Variants in TMEM213 observed in about 807,000 individuals in gnomAD.
The protein encoded by TMEM213 is transmembrane protein 213.
Under a neutral mutation model 11.6 loss-of-function variants are expected in TMEM213, and 7 were observed. That is an observed-to-expected ratio of 0.60 (90% CI 0.34 to 1.13). TMEM213 has a LOEUF of 1.13. Among genes scored for constraint, TMEM213 ranks in the 50% most tolerant of loss-of-function variants. The probability of loss-of-function intolerance (pLI) is 0.03; values close to 1 mark genes in which losing one functional copy is unlikely to be tolerated. For missense variants in TMEM213, 129 were observed against 139.0 expected (o/e 0.93, Z 0.36); for synonymous variants, 60 against 58.3 (o/e 1.03, Z -0.13).
chr7:138,800,311 C>CAGT (rs1245748928), intron 1 of TMEM213, among the ~76,000 whole-genome samples: 1 of 152,106 alleles, frequency 6.6e-6, no homozygotes, highest in African/African-American at 2.4e-5. Flanking sequence ...CCGTATTGAA[C>CAGT]AGTATGGACT....
At position 138,802,902 on chromosome 7, in the gene TMEM213, G is replaced by A. The variant is rs761693742; in HGVS notation, c.157G>A (p.Val53Met). 7.7e-6 allele frequency: 12 copies of A among 1,567,252 alleles called. 1 individual carries two copies. The highest frequency in any genetic ancestry group is 6.0e-5 in the South Asian group (5 of 83,000). The change falls in exon 3 of 3, where the codon GTG becomes ATG. Residue 53 changes from valine to methionine, a missense_variant and splice_region_variant. Transcript: ENST00000442682. Reference protein sequence around the residue: ...DPGTLEQCLNVDFCPQAARCC... With the variant: ...DPGTLEQCLNMDFCPQAARCC... ...CCTTGCTGTCCCTTCCCCACCAGAC[G>A]TGGACTTCTGCCCACAAGCAGCCCG...
At chr7:138,800,807 C>T (rs536360976) in intron 1 of TMEM213, among the ~76,000 whole-genome samples, 1 of 151,328 alleles carries the variant, frequency 6.6e-6, no homozygotes, top group African/African-American at 2.4e-5. Context: ...TCAAGCAATT[C>T]TGCTGCCCCA....
rs927568541 is a variant in TMEM213 at position 138,802,974 on chromosome 7, G to A, written c.229G>A (p.Val77Ile). The change falls in exon 3 of 3, where the codon GTT becomes ATT. Residue 77 changes from valine (V) to isoleucine (I), a missense_variant. Physicochemically the swap from Val to Ile is conservative, Grantham distance 29. Transcript: ENST00000442682. ...VDEYGWIAAA[V>I]GWSLWFLTLI... is the part of the protein sequence containing the mutation. ...CGAGTACGGCTGGATCGCGGCAGCT[G>A]TTGGCTGGAGCCTCTGGTTCCTCAC... The A allele has an allele frequency of 5.6e-6, 9 of 1,613,196 alleles. No homozygotes were observed. Among genetic ancestry groups the A allele is most frequent in the East Asian group, 4.5e-5 (2 of 44,878 alleles).
chr7:138,802,810 G>C, intron 2 of TMEM213, 90 bp from the exon 3 acceptor site: 1 of 1,354,206 alleles, frequency 7.4e-7, no homozygotes, highest in Non-Finnish European at 9.9e-7. Flanking sequence ...CAGCTACCGT[G>C]CTGTGATTGT....
chr7:138,802,821 T>G, intron 2 of TMEM213, 79 bp from the exon 3 acceptor site: 1 of 1,416,554 alleles, frequency 7.1e-7, no homozygotes. Flanking sequence ...CTGTGATTGT[T>G]CTGTTAATAT....
At chr7:138,801,238 C>T in intron 1 of TMEM213, 89 bp from the exon 2 acceptor site, 1 of 1,178,724 alleles carries the variant, frequency 8.5e-7, no homozygotes, top group Non-Finnish European at 1.2e-6. Context: ...TCATAATACT[C>T]ACTACTGATT....
intron 2 of TMEM213, 157 bp downstream of exon 2, chr7:138,801,555 G>T: frequency 1.5e-6 from 1 of 682,698 alleles, no homozygotes; most frequent in South Asian, 1.9e-5. Flanking sequence ...ACTATTTGCA[G>T]AGCAGGTCTG....
At position 138,802,925 on chromosome 7, in the gene TMEM213, C is replaced by A; in HGVS notation, c.180C>A (p.Ala60=). 6.3e-7 allele frequency: 1 copy of A among 1,594,752 alleles called. No individual in the cohort carries two copies. ...CLNVDFCPQA[A]RCCRTGVDEY... Reference sequence around the variant, plus strand: ...ACGTGGACTTCTGCCCACAAGCAGCCCGGTGCTGCCGCACAGGAGTGGACG... The same window carrying A: ...ACGTGGACTTCTGCCCACAAGCAGCACGGTGCTGCCGCACAGGAGTGGACG... Residue 60 remains alanine, a synonymous_variant, in exon 3 of 3, where the codon GCC becomes GCA. Transcript: ENST00000442682.
At chr7:138,800,393 C>G (rs916670805) in intron 1 of TMEM213, among the ~76,000 whole-genome samples, 2 of 152,182 alleles carry the variant, frequency 1.3e-5, no homozygotes, top group Non-Finnish European at 2.9e-5. Flanking sequence ...AACCCAATCC[C>G]ACACCTCAAG....
rs1159024756 is a variant in TMEM213 at position 138,803,109 on chromosome 7, T to C, written c.*40T>C. 1.3e-6 allele frequency: 2 copies of C among 1,598,630 alleles called. No individual in the cohort carries two copies. Among genetic ancestry groups the C allele is most frequent in the Middle Eastern group, 1.7e-4 (1 of 6,038 alleles). On this transcript the variant is annotated 3_prime_UTR_variant, in exon 3 of 3. Transcript: ENST00000442682. ...GCACAAAATGGTGATCGCCACCAAT[T>C]TGTGGCTAATGGGGAAGGGGAGTAA... is the stretch of plus-strand genomic sequence containing the variant.
chr7:138,803,048 G>C lies in TMEM213; in HGVS notation c.303G>C (p.Glu101Asp). The change falls in exon 3 of 3, where the codon GAG (glutamate) becomes GAC (aspartate). Residue 101 changes from glutamate (E) to aspartate (D), a missense_variant. Glu to Asp is a conservative substitution (Grantham distance 45). Transcript: ENST00000442682. ...AACTGATGAAGCTGACTCCAGATGA[G>C]CCCAAGGACTTGCAAGCGTGAGACC... ...VDKLMKLTPD[E>D]PKDLQA 6.2e-7 allele frequency: 1 copy of C among 1,613,562 alleles called. No homozygotes were observed. Among genetic ancestry groups the C allele is most frequent in the Non-Finnish European group, 8.5e-7 (1 of 1,179,830 alleles).
rs201509707 is a variant in TMEM213 at position 138,805,242 on chromosome 7, AAG to A, written c.*2175_*2176del. On this transcript the variant is annotated 3_prime_UTR_variant, in exon 3 of 3. Transcript: ENST00000442682. Reference sequence around the variant, plus strand: ...ACCCTGTCTCTACAAAAAAAAAAAAAAGATTAGCCAGGCGTGGTGGTGCACAC... The same window carrying A: ...ACCCTGTCTCTACAAAAAAAAAAAAAATTAGCCAGGCGTGGTGGTGCACAC... 1.1e-3 allele frequency: 154 copies of A among 133,952 alleles called. 1 individual carries two copies. The highest frequency in any genetic ancestry group is 1.7e-3 in the African/African-American group (66 of 38,006). The allele number at this position is 133,952 out of a possible 1,614,324, so 8.3% of individuals were successfully genotyped here.
rs558278429 is a variant in TMEM213, at chr7:138,799,096, G to A, written c.82+910G>A. On this transcript the variant is annotated intron_variant, in intron 1 of 2. Transcript: ENST00000442682. Reference sequence around the variant, plus strand: ...CATGACTCACTAGCTATGCGACCTCGAGCAAATGACTTTACCTCTCTATGC... The same window carrying A: ...CATGACTCACTAGCTATGCGACCTCAAGCAAATGACTTTACCTCTCTATGC... Among the ~76,000 whole-genome samples the A allele has an allele frequency of 3.7e-3, 569 of 152,182 alleles. 6 individuals are homozygous for A. The highest frequency in any genetic ancestry group is 0.013 in the African/African-American group (549 of 41,540).
Position 138,804,022 on chromosome 7 carries a change from C to G in TMEM213, c.*953C>G, listed in dbSNP as rs922084196. Reference sequence around the variant, plus strand: ...CCACCTCAGGTCCTTCTCCAGCTCTCCTTCTGGCTTCATCCTGTCTTCCAC... The same window carrying G: ...CCACCTCAGGTCCTTCTCCAGCTCTGCTTCTGGCTTCATCCTGTCTTCCAC... On this transcript the variant is annotated 3_prime_UTR_variant, in exon 3 of 3. Coordinates refer to ENST00000442682, the MANE Select transcript of TMEM213 (RefSeq NM_001085429.2). The G allele has an allele frequency of 6.6e-6, 1 of 152,538 alleles. No homozygotes were observed. Among genetic ancestry groups the G allele is most frequent in the Non-Finnish European group, 1.5e-5 (1 of 68,322 alleles). 9.4% of individuals were successfully genotyped at this position (152,538 alleles called of 1,614,324 possible). A position where few individuals can be genotyped will look rare whatever the true frequency, so the allele number is the denominator to read the frequency against.
Position 138,805,238 on chromosome 7 carries a change from AAAAAAG to A in TMEM213, c.*2171_*2176del, listed in dbSNP as rs1406078426. 348 of 132,204 alleles carry A rather than the reference AAAAAAG, an allele frequency of 2.6e-3. 3 individuals are homozygous for A. The highest frequency in any genetic ancestry group is 8.9e-3 in the African/African-American group (341 of 38,288). 8.2% of individuals were successfully genotyped at this position (132,204 alleles called of 1,614,324 possible). A position where few individuals can be genotyped will look rare whatever the true frequency, so the allele number is the denominator to read the frequency against. On this transcript the variant is annotated 3_prime_UTR_variant, in exon 3 of 3. Transcript: ENST00000442682. Reference sequence around the variant, plus strand: ...TGAGACCCTGTCTCTACAAAAAAAAAAAAAAGATTAGCCAGGCGTGGTGGTGCACAC... The same window carrying A: ...TGAGACCCTGTCTCTACAAAAAAAAAATTAGCCAGGCGTGGTGGTGCACAC...
intron 1 of TMEM213, among the ~76,000 whole-genome samples, chr7:138,800,801 G>A (rs1471863466): frequency 2.0e-5 from 3 of 150,714 alleles, no homozygotes; most frequent in African/African-American, 7.3e-5. Flanking sequence ...CTGGGTTCAA[G>A]CAATTCTGCT....
chr7:138,798,203 T>C lies in TMEM213; in HGVS notation c.82+17T>C. 1 of 1,575,912 alleles carries C rather than the reference T, an allele frequency of 6.3e-7. No homozygotes were observed. The highest frequency in any genetic ancestry group is 8.6e-7 in the Non-Finnish European group (1 of 1,160,248). ...GCTCGGCAGGTAGCGTTATGAGCTT[T>C]ATTCATGGCCAGGCTGGGAAGGGGG... On this transcript the variant is annotated intron_variant, in intron 1 of 2. Coordinates refer to ENST00000442682, the MANE Select transcript of TMEM213 (RefSeq NM_001085429.2).
intron 1 of TMEM213, among the ~76,000 whole-genome samples, 171 bp from the exon 2 acceptor site, chr7:138,801,156 C>T (rs1343212567): frequency 2.6e-5 from 4 of 152,156 alleles, no homozygotes; most frequent in African/African-American, 2.4e-5. Context: ...GAACATAATT[C>T]GGTCCATAAC....
chr7:138,802,035 A>G (rs867379424), intron 2 of TMEM213, among the ~76,000 whole-genome samples: 2 of 152,104 alleles, frequency 1.3e-5, no homozygotes, highest in Non-Finnish European at 2.9e-5. Context: ...ATGTGGTGGC[A>G]TGCGCCTGTA....
Sources: allele counts gnomAD v4.1 joint callset (sites outside exome capture counted in the v4.1 genomes callset), GRCh38; gene constraint gnomAD v4.1.1; transcripts MANE v1.5; gene names NCBI Gene and HGNC (gene_info 2026-07-23, HGNC 2026-07-21).